Variants in CPNE8 observed in about 807,000 individuals in gnomAD.
CPNE8 encodes copine-8.
CPNE8 carries 45 observed loss-of-function variants against 81.5 expected under a neutral mutation model. The observed-to-expected ratio is 0.55, with a 90% CI of 0.44 to 0.71. The LOEUF is 0.71. Ranked by LOEUF, CPNE8 falls within the 30% of genes least tolerant of loss-of-function variation. The pLI, the probability that CPNE8 is intolerant of heterozygous loss-of-function variation, is 0.00. For missense variants in CPNE8, 594 were observed against 672.1 expected (o/e 0.88, Z 1.28); for synonymous variants, 252 against 226.3 (o/e 1.11, Z -1.02).
At chr12:38,767,608 G>C (rs747567155) in intron 8 of CPNE8, 27 bp downstream of exon 8, 1 of 1,328,074 alleles carries the variant, frequency 7.5e-7, no homozygotes, top group East Asian at 2.6e-5. Flanking sequence ...TTACCATATA[G>C]TTGAAATGCA....
rs938914993 is a variant in CPNE8 at position 38,834,990 on chromosome 12, G to T, written c.330+4926C>A. ...TCCCTGGTTCATCCCTGGTTCAAGCGATTCTCCTGCCTCAGCCTCCTGAGT... is the reference window on the plus strand; with the variant it reads ...TCCCTGGTTCATCCCTGGTTCAAGCTATTCTCCTGCCTCAGCCTCCTGAGT... On this transcript the variant is annotated intron_variant, in intron 5 of 19. Coordinates refer to ENST00000331366, the MANE Select transcript of CPNE8 (RefSeq NM_153634.3). 2.6e-5 allele frequency among the ~76,000 whole-genome samples: 4 copies of T among 151,756 alleles called. No individual in the cohort carries two copies. In the South Asian group the frequency reaches 8.3e-4, roughly 32 times the overall value.
chr12:38,858,841 A>G (rs1943786483), intron 3 of CPNE8, among the ~76,000 whole-genome samples: 2 of 152,246 alleles, frequency 1.3e-5, no homozygotes, highest in South Asian at 4.1e-4. Context: ...AATACACAAT[A>G]AAACAGATTA....
intron 13 of CPNE8, among the ~76,000 whole-genome samples, chr12:38,713,375 ACAAC>A: frequency 6.6e-6 from 1 of 152,270 alleles, no homozygotes; most frequent in Non-Finnish European, 1.5e-5. Flanking sequence ...CCAAGTAACT[ACAAC>A]GAAGATATAG....
At chr12:38,798,092 C>A (rs533661063) in intron 6 of CPNE8, among the ~76,000 whole-genome samples, 1 of 152,122 alleles carries the variant, frequency 6.6e-6, no homozygotes, top group East Asian at 1.9e-4. Flanking sequence ...CTGAAAGTGA[C>A]AGGGAGAATG....
At chr12:38,902,274 G>GAA (rs1188200257) in intron 1 of CPNE8, among the ~76,000 whole-genome samples, 1 of 114,026 alleles carries the variant, frequency 8.8e-6, no homozygotes, top group African/African-American at 3.6e-5. Flanking sequence ...GAAAGAAAAA[G>GAA]AAAAGAAAGA....
intron 5 of CPNE8, among the ~76,000 whole-genome samples, chr12:38,831,007 TG>T (rs1290871236): frequency 3.3e-5 from 5 of 151,990 alleles, no homozygotes; most frequent in Non-Finnish European, 7.4e-5. Flanking sequence ...GTGGGGAAAG[TG>T]GGGGTGAGAA....
intron 19 of CPNE8, among the ~76,000 whole-genome samples, chr12:38,668,162 T>A (rs1053055013): frequency 6.6e-6 from 1 of 152,324 alleles, no homozygotes; most frequent in East Asian, 1.9e-4. Flanking sequence ...ATGCTATTGG[T>A]AAGTAACAAA....
chr12:38,799,006 A>C (rs1043515153), intron 6 of CPNE8, among the ~76,000 whole-genome samples: 1 of 152,228 alleles, frequency 6.6e-6, no homozygotes, highest in Non-Finnish European at 1.5e-5. Context: ...TAACTGTCCT[A>C]AATATATATT....
intron 19 of CPNE8, among the ~76,000 whole-genome samples, chr12:38,657,298 C>A (rs764743082): frequency 6.6e-6 from 1 of 152,110 alleles, no homozygotes; most frequent in Non-Finnish European, 1.5e-5. Context: ...CTGAGATCGA[C>A]CTGCGAGGCT....
intron 13 of CPNE8, among the ~76,000 whole-genome samples, chr12:38,712,900 A>C (rs1462835799): frequency 6.6e-6 from 1 of 152,170 alleles, no homozygotes; most frequent in Non-Finnish European, 1.5e-5. Context: ...AACTAGGGCA[A>C]TTACTACAAC....
At chr12:38,742,842 A>T (rs10747574) in intron 10 of CPNE8, among the ~76,000 whole-genome samples, 122,322 of 151,726 alleles carry the variant, frequency 0.81, 52,279 homozygotes, top group Middle Eastern at 0.97. Context: ...TCTCTGTCCT[A>T]GAGTTGTAAT....
intron 11 of CPNE8, among the ~76,000 whole-genome samples, chr12:38,726,879 T>G (rs930707784): frequency 6.6e-6 from 1 of 152,204 alleles, no homozygotes; most frequent in Non-Finnish European, 1.5e-5. Flanking sequence ...TGATTTGGTT[T>G]TAAATTACAT....
At chr12:38,808,553 T>C (rs897999697) in intron 6 of CPNE8, among the ~76,000 whole-genome samples, 2 of 128,848 alleles carry the variant, frequency 1.6e-5, no homozygotes, top group Non-Finnish European at 3.1e-5. Flanking sequence ...AATTGAACAA[T>C]GAGAACACAT....
intron 3 of CPNE8, among the ~76,000 whole-genome samples, chr12:38,872,613 T>C (rs144516811): frequency 1.4e-3 from 212 of 152,332 alleles, no homozygotes; most frequent in Admixed American, 4.7e-3. Flanking sequence ...TTGCAAAAAG[T>C]AGGCAATATT....
intron 16 of CPNE8, among the ~76,000 whole-genome samples, chr12:38,678,735 T>G (rs1012587122): frequency 5.9e-5 from 9 of 151,986 alleles, no homozygotes; most frequent in Non-Finnish European, 7.4e-5. Flanking sequence ...TTGTCCATGC[T>G]ACTAATAAAA....
chr12:38,679,080 A>T (rs1055677993), intron 16 of CPNE8, among the ~76,000 whole-genome samples: 5 of 151,850 alleles, frequency 3.3e-5, no homozygotes, highest in Non-Finnish European at 7.4e-5. Flanking sequence ...TCTTACTATG[A>T]TTCAGAAAGA....
At chr12:38,660,693 G>A (rs2136634246) in intron 19 of CPNE8, among the ~76,000 whole-genome samples, 1 of 152,094 alleles carries the variant, frequency 6.6e-6, no homozygotes, top group South Asian at 2.1e-4. Flanking sequence ...CAGAATGGGA[G>A]AAAATTTTTG....
intron 18 of CPNE8, among the ~76,000 whole-genome samples, chr12:38,672,213 T>C (rs1939190423): frequency 6.6e-6 from 1 of 152,212 alleles, no homozygotes; most frequent in Non-Finnish European, 1.5e-5. Flanking sequence ...GATGATAATC[T>C]AGGTCTCACT....
chr12:38,746,498 C>T (rs150024791), intron 10 of CPNE8, among the ~76,000 whole-genome samples: 83 of 152,260 alleles, frequency 5.5e-4, no homozygotes, highest in African/African-American at 1.9e-3. Context: ...ACAAACAATG[C>T]TGAGGTGCTT....
Sources: gnomAD v4.1 joint callset for allele counts (sites outside exome capture counted in the v4.1 genomes callset) on GRCh38, gnomAD v4.1.1 for gene constraint, MANE v1.5 for transcripts, NCBI Gene and HGNC (gene_info 2026-07-23, HGNC 2026-07-21) for gene names.